Variants in KLHDC2 observed in about 807,000 individuals in gnomAD.
KLHDC2 encodes kelch domain containing 2.
A neutral mutation model predicts 62.3 loss-of-function variants in KLHDC2; 38 were observed. The observed-to-expected ratio is 0.61, with a 90% CI of 0.47 to 0.80. The LOEUF (loss-of-function observed/expected upper bound fraction) is 0.80. Among genes scored for constraint, KLHDC2 ranks in the 30% least tolerant of loss-of-function variants. The probability of loss-of-function intolerance (pLI) is 0.00; values close to 1 mark genes in which losing one functional copy is unlikely to be tolerated. For synonymous variants in KLHDC2, 159 were observed against 161.0 expected (o/e 0.99, Z 0.09); for missense variants, 430 against 495.3 (o/e 0.87, Z 1.25).
chr14:49,771,731 GCTGGCT>G, intron 2 of KLHDC2, 58 bp downstream of exon 2: 1 of 864,584 alleles, frequency 1.2e-6, no homozygotes, highest in South Asian at 1.4e-5. Flanking sequence ...GGGCACGGTG[GCTGGCT>G]CATGCCTATA....
At position 49,782,976 on chromosome 14, in the gene KLHDC2, A is replaced by G. The variant is rs200207875; in HGVS notation, c.*23A>G. On this transcript the variant is annotated 3_prime_UTR_variant, in exon 13 of 13. Transcript: ENST00000298307. Reference sequence around the variant, plus strand: ...TAAGGCTTCATAAATAATGCCTATGATCACCTTGCATGGACAGCAATCCTG... The same window carrying G: ...TAAGGCTTCATAAATAATGCCTATGGTCACCTTGCATGGACAGCAATCCTG... 1.1e-5 allele frequency: 17 copies of G among 1,605,990 alleles called. No homozygotes were observed. The East Asian group carries it at 3.8e-4, about 36-fold the overall frequency.
intron 1 of KLHDC2, 28 bp from the exon 2 acceptor site, chr14:49,771,566 T>G (rs751481053): frequency 2.0e-6 from 2 of 1,006,816 alleles, no homozygotes; most frequent in Admixed American, 3.8e-5. Flanking sequence ...ATACCAGTTT[T>G]TATATTTACA....
rs1889594003 is a variant in KLHDC2, at chr14:49,768,598, A to T, written c.130A>T (p.Met44Leu). 1.2e-6 allele frequency: 2 copies of T among 1,600,422 alleles called. No individual in the cohort carries two copies. Among genetic ancestry groups the T allele is most frequent in the Non-Finnish European group, 8.5e-7 (1 of 1,174,720 alleles). The change falls in exon 1 of 13, where the codon ATG becomes TTG. Residue 44 changes from methionine to leucine, a missense_variant. Physicochemically the swap from Met to Leu is conservative, Grantham distance 15 (BLOSUM62 2). Transcript: ENST00000298307. The part of the protein sequence containing the change: ...GHVAVSDGRH[M>L]FVWGGYKSNQ... ...CGTAGCCGTCAGCGACGGGCGCCAC[A>T]TGTTCGTCTGGGGCGGCTACAAGGT... is the stretch of plus-strand genomic sequence containing the variant.
chr14:49,773,620 AG>A (rs2139792192), intron 2 of KLHDC2, among the ~76,000 whole-genome samples: 1 of 135,998 alleles, frequency 7.4e-6, no homozygotes, highest in East Asian at 2.3e-4. Flanking sequence ...TCTGTCGCCC[AG>A]GCTGGAGTGC....
At chr14:49,782,711 A>G (rs768790778) in intron 12 of KLHDC2, 117 bp downstream of exon 12, 18 of 1,391,082 alleles carry the variant, frequency 1.3e-5, no homozygotes, top group Middle Eastern at 4.4e-4. Context: ...CATTGCTATA[A>G]CCAGTTCCTA....
At position 49,779,671 on chromosome 14, in the gene KLHDC2, A is replaced by G. The variant is rs1220575245; in HGVS notation, c.710A>G (p.Tyr237Cys). 1 of 1,613,930 alleles carries G rather than the reference A, an allele frequency of 6.2e-7. No individual in the cohort carries two copies. Among genetic ancestry groups the G allele is most frequent in the Non-Finnish European group, 8.5e-7 (1 of 1,179,790 alleles). ...GNRGFVFGGR[Y>C]RDARMNDLHY... Reference sequence around the variant, plus strand: ...AGAGGCTTCGTGTTTGGAGGCAGATATCGAGTAAGTATTCAAACGACTTCA... The same window carrying G: ...AGAGGCTTCGTGTTTGGAGGCAGATGTCGAGTAAGTATTCAAACGACTTCA... The change falls in exon 7 of 13, where the codon TAT becomes TGT. Residue 237 changes from tyrosine (Y) to cysteine (C), a missense_variant. Physicochemically the swap from Tyr to Cys is radical, Grantham distance 194. Transcript: ENST00000298307.
At chr14:49,779,167 C>T (rs1889833990) in intron 6 of KLHDC2, among the ~76,000 whole-genome samples, 1 of 152,298 alleles carries the variant, frequency 6.6e-6, no homozygotes, top group Middle Eastern at 3.4e-3. Context: ...CTCAAATTTT[C>T]AGATTTGGAG....
intron 3 of KLHDC2, among the ~76,000 whole-genome samples, 193 bp from the exon 4 acceptor site, chr14:49,777,646 G>A (rs894693677): frequency 2.0e-5 from 3 of 152,058 alleles, no homozygotes; most frequent in Non-Finnish European, 1.5e-5. Flanking sequence ...AGCGTGCTTA[G>A]TGACTTAGGA....
At position 49,768,364 on chromosome 14, in the gene KLHDC2, G is replaced by A; in HGVS notation, c.-105G>A. 7.7e-7 allele frequency: 1 copy of A among 1,306,212 alleles called. No individual in the cohort carries two copies. The highest frequency in any genetic ancestry group is 1.0e-6 in the Non-Finnish European group (1 of 958,122). The allele number at this position is 1,306,212 out of a possible 1,614,324, so 80.9% of individuals were successfully genotyped here. On this transcript the variant is annotated 5_prime_UTR_variant, in exon 1 of 13. Transcript: ENST00000298307. ...CCTCAACGCCGTCCCTTTCGCCACC[G>A]CCTTTTCCTTGCCTCGCGCCGCTGT...
rs369366916 is a variant in KLHDC2, at chr14:49,773,725, C to T, written c.234-836C>T. On this transcript the variant is annotated intron_variant, in intron 2 of 12. Coordinates refer to ENST00000298307, the MANE Select transcript of KLHDC2 (RefSeq NM_014315.3). ...CTGAGTAGCTGGGACTACAGGCGCC[C>T]GCCACCACGCCTGGCTAATTTTTTG... 2.7e-4 allele frequency among the ~76,000 whole-genome samples: 41 copies of T among 151,572 alleles called. No individual in the cohort carries two copies. The East Asian group carries it at 6.5e-3, about 24-fold the overall frequency.
rs1889955668 is a variant in KLHDC2, at chr14:49,782,579, C to T, written c.1082C>T (p.Pro361Leu). The T allele has an allele frequency of 6.2e-7, 1 of 1,605,300 alleles. No homozygotes were observed. The highest frequency in any genetic ancestry group is 1.1e-5 in the South Asian group (1 of 90,234). The change falls in exon 12 of 13, where the codon CCA becomes CTA. Residue 361 changes from proline (P) to leucine (L), a missense_variant. By Grantham distance (98) the Pro-to-Leu change is moderately conservative (BLOSUM62 -3). Coordinates refer to ENST00000298307, the MANE Select transcript of KLHDC2 (RefSeq NM_014315.3). ...SNEILIFSVQ[P>L]KSLVRLSLEA... ...GAAATACTAATATTTTCAGTTCAAC[C>T]AAAATCTCTTGTACGGTAAGTAACT...
chr14:49,771,109 G>C (rs1480468374), intron 1 of KLHDC2, among the ~76,000 whole-genome samples: 2 of 152,100 alleles, frequency 1.3e-5, no homozygotes. Context: ...AGCACTTTGG[G>C]AGGCTGAGGT....
intron 1 of KLHDC2, 98 bp from the exon 2 acceptor site, chr14:49,771,496 A>G: frequency 1.6e-6 from 1 of 635,472 alleles, no homozygotes; most frequent in Non-Finnish European, 2.8e-6. Context: ...TATTTTTCAT[A>G]CTAATTATGA....
chr14:49,779,507 T>TA (rs1889842537), intron 6 of KLHDC2, 88 bp from the exon 7 acceptor site: 2 of 945,732 alleles, frequency 2.1e-6, no homozygotes, highest in Admixed American at 4.9e-5. Context: ...TCAAGTGCCT[T>TA]ACATATTCTT....
chr14:49,782,165 C>T (rs1367635202), intron 10 of KLHDC2: 5 of 523,200 alleles, frequency 9.6e-6, no homozygotes, highest in South Asian at 9.0e-5. Context: ...TGAGAACGAC[C>T]AGAGAGAGAA....
intron 9 of KLHDC2, 83 bp from the exon 10 acceptor site, chr14:49,780,620 T>A: frequency 1.1e-6 from 1 of 946,522 alleles, no homozygotes; most frequent in East Asian, 2.4e-5. Context: ...CATGATCTAT[T>A]ACCTTTCTTG....
intron 2 of KLHDC2, among the ~76,000 whole-genome samples, chr14:49,774,254 T>C (rs1889724306): frequency 6.6e-6 from 1 of 152,182 alleles, no homozygotes; most frequent in Non-Finnish European, 1.5e-5. Flanking sequence ...TGTAAATAAA[T>C]AGCAAACAAT....
chr14:49,781,368 T>TC (rs1555343491), intron 10 of KLHDC2, among the ~76,000 whole-genome samples: 2,172 of 9,282 alleles, frequency 0.23, 118 homozygotes, highest in African/African-American at 0.32. Flanking sequence ...AAACTCTGTC[T>TC]CAAAAAAAAA....
rs1889734258 is a variant in KLHDC2 at position 49,774,635 on chromosome 14, T to C, written c.308T>C (p.Leu103Pro). 2 of 1,613,436 alleles carry C rather than the reference T, an allele frequency of 1.2e-6. No individual in the cohort carries two copies. Among genetic ancestry groups the C allele is most frequent in the Non-Finnish European group, 1.7e-6 (2 of 1,179,450 alleles). The change falls in exon 3 of 13, where the codon CTG becomes CCG. Residue 103 changes from leucine (L) to proline (P), a missense_variant. Leu to Pro is a moderately conservative substitution (Grantham distance 98). Coordinates refer to ENST00000298307, the MANE Select transcript of KLHDC2 (RefSeq NM_014315.3). ...TGTGCTGTGTGTGTAGACAGGGTGC[T>C]GTACTTGTTTGGAGGACACCATTCA... is the stretch of plus-strand genomic sequence containing the variant. ...GSCAVCVDRV[L>P]YLFGGHHSRG...
Sources: gnomAD v4.1 joint callset for allele counts (sites outside exome capture counted in the v4.1 genomes callset) on GRCh38, gnomAD v4.1.1 for gene constraint, MANE v1.5 for transcripts, NCBI Gene and HGNC (gene_info 2026-07-23, HGNC 2026-07-21) for gene names.